The following PTPN3 variants were observed in gnomAD, a reference collection of about 807,000 sequenced individuals.
PTPN3 encodes protein tyrosine phosphatase non-receptor type 3.
PTPN3 carries 96 observed loss-of-function variants against 132.7 expected under a neutral mutation model. The observed-to-expected ratio is 0.72, with a 90% CI of 0.61 to 0.86. PTPN3 has a LOEUF of 0.86. Ranked by LOEUF, PTPN3 falls within the 40% of genes least tolerant of loss-of-function variation. PTPN3 has a pLI of 0.00. For synonymous variants in PTPN3, 398 were observed against 429.0 expected (o/e 0.93, Z 0.89); for missense variants, 1,125 against 1,159.6 (o/e 0.97, Z 0.43).
At chr9:109,403,302 T>A (rs753073611) in intron 19 of PTPN3, among the ~76,000 whole-genome samples, 1 of 152,262 alleles carries the variant, frequency 6.6e-6, no homozygotes, top group Non-Finnish European at 1.5e-5. Context: ...TCAATTACTC[T>A]GCAGTCACAC....
chr9:109,464,015 A>G (rs1845976269), intron 1 of PTPN3, among the ~76,000 whole-genome samples: 1 of 152,200 alleles, frequency 6.6e-6, no homozygotes, highest in African/African-American at 2.4e-5. Flanking sequence ...GAAAACAGGA[A>G]GAAAACAAAA....
At chr9:109,448,040 T>C (rs73654243) in intron 6 of PTPN3, among the ~76,000 whole-genome samples, 3,167 of 152,272 alleles carry the variant, frequency 0.021, 99 homozygotes, top group African/African-American at 0.072. Flanking sequence ...AAGACTTTTC[T>C]AGCTCACACC....
At position 109,427,088 on chromosome 9, in the gene PTPN3, A is replaced by G. The variant is rs1171817575; in HGVS notation, c.863T>C (p.Met288Thr). 1 of 1,614,060 alleles carries G rather than the reference A, an allele frequency of 6.2e-7. No individual in the cohort carries two copies. The highest frequency in any genetic ancestry group is 2.2e-5 in the East Asian group (1 of 44,888). Reference protein sequence around the residue: ...ESREHIVAFNMLNYRSCKNLW... With the variant: ...ESREHIVAFNTLNYRSCKNLW... ...GTTTTTGCAAGATCGGTAATTCAGCATGTTGAAGGCCACAATATGTTCCCT... is the reference window on the plus strand; with the variant it reads ...GTTTTTGCAAGATCGGTAATTCAGCGTGTTGAAGGCCACAATATGTTCCCT... The change falls in exon 12 of 26, where the codon ATG (methionine) becomes ACG (threonine). Residue 288 changes from methionine to threonine, a missense_variant. Met to Thr is a moderately conservative substitution (Grantham distance 81). Coordinates refer to ENST00000374541, the MANE Select transcript of PTPN3 (RefSeq NM_002829.4).
intron 19 of PTPN3, among the ~76,000 whole-genome samples, chr9:109,394,521 C>T (rs1181466199): frequency 2.0e-5 from 3 of 151,704 alleles, no homozygotes; most frequent in South Asian, 2.1e-4. Context: ...CAGCTCACTG[C>T]AACCTCTGCC....
chr9:109,505,270 A>G, the PTPN3 span, among the ~76,000 whole-genome samples: 1 of 152,146 alleles, frequency 6.6e-6, no homozygotes, highest in Non-Finnish European at 1.5e-5. Context: ...GCATTTTATA[A>G]TTTACTATAG....
In PTPN3 at chr9:109,457,175, T is replaced by G; in HGVS notation, c.287A>C (p.Lys96Thr). 1 of 1,613,866 alleles carries G rather than the reference T, an allele frequency of 6.2e-7. No homozygotes were observed. Among genetic ancestry groups the G allele is most frequent in the South Asian group, 1.1e-5 (1 of 91,062 alleles). The change falls in exon 4 of 26, where the codon AAA (lysine) becomes ACA (threonine). Residue 96 changes from lysine (K) to threonine (T), a missense_variant and splice_region_variant. By Grantham distance (78) the Lys-to-Thr change is moderately conservative. Transcript: ENST00000374541. ...EASKAIRKQL[K>T]GGFPCTLHFR... ...TGAAATGAAAAGATCACACCAACCTTTTAACTGCTTCCTGATGGCTTTGCT... is the reference window on the plus strand; with the variant it reads ...TGAAATGAAAAGATCACACCAACCTGTTAACTGCTTCCTGATGGCTTTGCT...
intron 19 of PTPN3, among the ~76,000 whole-genome samples, chr9:109,393,498 T>C (rs983197718): frequency 6.6e-6 from 1 of 151,090 alleles, no homozygotes; most frequent in African/African-American, 2.4e-5. Context: ...GCGATTCTCC[T>C]GCCTCAGCCT....
chr9:109,531,154 A>T, the PTPN3 span, among the ~76,000 whole-genome samples: 5 of 152,182 alleles, frequency 3.3e-5, no homozygotes, highest in African/African-American at 1.2e-4. Context: ...ATCCAATGTC[A>T]TGAAGCTTTT....
Position 109,497,603 on chromosome 9 carries a change from C to CG in PTPN3, c.-18+615dup, listed in dbSNP as rs763906887. Among the ~76,000 whole-genome samples the CG allele has an allele frequency of 5.3e-5, 8 of 152,204 alleles. No individual in the cohort carries two copies. The East Asian group carries it at 7.8e-4, about 15-fold the overall frequency. On this transcript the variant is annotated intron_variant, in intron 1 of 25. Transcript: ENST00000374541. ...TTTAGGTAGCTGAAAATGGGAATTT[C>CG]GGGGGGGCTGGGCACTCTCACATAC...
intron 9 of PTPN3, among the ~76,000 whole-genome samples, chr9:109,434,060 A>G (rs1843857584): frequency 6.6e-6 from 1 of 152,190 alleles, no homozygotes; most frequent in Non-Finnish European, 1.5e-5. Context: ...CAAGGTGAGT[A>G]CAAATAAAAT....
chr9:109,423,416 C>CCAACAT (rs1843016721), intron 12 of PTPN3, among the ~76,000 whole-genome samples: 2 of 152,090 alleles, frequency 1.3e-5, no homozygotes, highest in Non-Finnish European at 1.5e-5. Context: ...ACCAGCCTGG[C>CCAACAT]CAACATGGCA....
At chr9:109,481,638 T>G (rs1169291101) in intron 1 of PTPN3, among the ~76,000 whole-genome samples, 1 of 152,228 alleles carries the variant, frequency 6.6e-6, no homozygotes, top group Admixed American at 6.5e-5. Flanking sequence ...TTTAGATTTC[T>G]CCTTAAATGT....
At position 109,452,601 on chromosome 9, in the gene PTPN3, G is replaced by A. The variant is rs1485940468; in HGVS notation, c.368+1895C>T. ...TTTTTTCTGCAACAGGGTCTCAGTC[G>A]ATCACTTAGGCTGGAGTACATGGCT... On this transcript the variant is annotated intron_variant, in intron 5 of 25. Coordinates refer to ENST00000374541, the MANE Select transcript of PTPN3 (RefSeq NM_002829.4). 4.7e-5 allele frequency among the ~76,000 whole-genome samples: 7 copies of A among 150,264 alleles called. No homozygotes were observed. In the South Asian group the frequency reaches 8.4e-4, roughly 18 times the overall value.
intron 19 of PTPN3, among the ~76,000 whole-genome samples, chr9:109,394,014 T>C (rs556975091): frequency 6.6e-6 from 1 of 152,320 alleles, no homozygotes; most frequent in African/African-American, 2.4e-5. Flanking sequence ...TTCATAACCA[T>C]CAGGCAGCTG....
chr9:109,485,269 A>G (rs1186111747), intron 1 of PTPN3, among the ~76,000 whole-genome samples: 5 of 152,168 alleles, frequency 3.3e-5, no homozygotes, highest in Non-Finnish European at 5.9e-5. Flanking sequence ...GCACTTTGGG[A>G]GGCCGAGGCG....
At chr9:109,403,996 A>C (rs769474173) in intron 19 of PTPN3, among the ~76,000 whole-genome samples, 2 of 152,182 alleles carry the variant, frequency 1.3e-5, no homozygotes, top group Non-Finnish European at 2.9e-5. Flanking sequence ...ATTCCAGCAC[A>C]TGGCTGGGGG....
intron 9 of PTPN3, among the ~76,000 whole-genome samples, chr9:109,433,957 A>G (rs946192770): frequency 6.6e-6 from 1 of 151,558 alleles, no homozygotes; most frequent in Non-Finnish European, 1.5e-5. Context: ...TTGCTTCTAA[A>G]TCCAGTGTAT....
chr9:109,377,444 A>ACAC lies in PTPN3; in HGVS notation c.*2109_*2111dup, dbSNP rs1838666698. The ACAC allele has an allele frequency of 7.9e-6, 1 of 127,228 alleles. No homozygotes were observed. The allele number at this position is 127,228 out of a possible 1,614,324, so 7.9% of individuals were successfully genotyped here. A position where few individuals can be genotyped will look rare whatever the true frequency, so the allele number is the denominator to read the frequency against. ...CACACACACACACACACACACACAC[A>ACAC]CACACACACACACAAGCCAGGTGAG... On this transcript the variant is annotated 3_prime_UTR_variant, in exon 26 of 26. Coordinates refer to ENST00000374541, the MANE Select transcript of PTPN3 (RefSeq NM_002829.4).
intron 1 of PTPN3, among the ~76,000 whole-genome samples, chr9:109,497,655 G>A (rs1471562845): frequency 1.3e-5 from 2 of 152,196 alleles, no homozygotes; most frequent in East Asian, 3.9e-4. Flanking sequence ...CTGTCTCACC[G>A]CAGGTACCTG....
Sources: gnomAD v4.1 joint callset for allele counts (sites outside exome capture counted in the v4.1 genomes callset) on GRCh38, gnomAD v4.1.1 for gene constraint, MANE v1.5 for transcripts, NCBI Gene and HGNC (gene_info 2026-07-23, HGNC 2026-07-21) for gene names.